The following GABRG2 variants were observed in gnomAD, a reference collection of about 807,000 sequenced individuals.
The protein encoded by GABRG2 is gamma-aminobutyric acid type A receptor subunit gamma2.
GABRG2 carries 16 observed loss-of-function variants against 56.4 expected under a neutral mutation model. The ratio of observed to expected loss-of-function variants is 0.28; its 90% CI spans 0.19 to 0.43. The LOEUF (loss-of-function observed/expected upper bound fraction) is 0.43, where lower values mean the gene tolerates loss of function less well. GABRG2 is among the 20% of genes least tolerant of loss of function. GABRG2 has a pLI of 1.00. For synonymous variants in GABRG2, 208 were observed against 205.5 expected, an observed-to-expected ratio of 1.01 and a Z score of -0.10; for missense variants, 327 against 582.7, an observed-to-expected ratio of 0.56 and a Z score of 4.52.
At chr5:162,118,957 C>A (rs1441817526) in intron 6 of GABRG2, among the ~76,000 whole-genome samples, 2 of 152,074 alleles carry the variant, frequency 1.3e-5, no homozygotes, top group Non-Finnish European at 2.9e-5. Flanking sequence ...AGGATTAATG[C>A]ACTTTAACGT....
Position 162,073,894 on chromosome 5 carries a change from C to A in GABRG2, c.107+5788C>A, listed in dbSNP as rs553381462. ...ATATTGAGAGATTAAGGGACTTCTT[C>A]AAGGATCCTTTACTATTGGCTGTAG... On this transcript the variant is annotated intron_variant, in intron 1 of 9. Coordinates refer to ENST00000639213, the MANE Select transcript of GABRG2 (RefSeq NM_198904.4). 3.3e-5 allele frequency among the ~76,000 whole-genome samples: 5 copies of A among 152,074 alleles called. No homozygotes were observed. In the East Asian group the frequency reaches 9.7e-4, roughly 29 times the overall value.
At chr5:162,076,500 A>G (rs540183459) in intron 1 of GABRG2, among the ~76,000 whole-genome samples, 53 of 152,300 alleles carry the variant, frequency 3.5e-4, no homozygotes, top group African/African-American at 1.2e-3. Context: ...ACTTAGTAAT[A>G]TCTCTAACAA....
intron 7 of GABRG2, among the ~76,000 whole-genome samples, chr5:162,146,431 A>G (rs545360488): frequency 2.0e-5 from 3 of 152,298 alleles, no homozygotes; most frequent in Admixed American, 6.5e-5. Context: ...GTGAGATAAT[A>G]GAAAGTGCTT....
chr5:162,138,250 A>T (rs1305478830), intron 6 of GABRG2, among the ~76,000 whole-genome samples: 1 of 152,090 alleles, frequency 6.6e-6, no homozygotes, highest in Non-Finnish European at 1.5e-5. Flanking sequence ...TCCATCTTAA[A>T]TTTATTTTGT....
chr5:162,083,798 G>A (rs1759844731), intron 1 of GABRG2, among the ~76,000 whole-genome samples: 1 of 151,788 alleles, frequency 6.6e-6, no homozygotes, highest in African/African-American at 2.4e-5. Flanking sequence ...GCTGTTTAAT[G>A]AAGGATCAAG....
intron 6 of GABRG2, among the ~76,000 whole-genome samples, chr5:162,116,403 C>A (rs1303853923): frequency 1.3e-5 from 2 of 151,162 alleles, no homozygotes; most frequent in Non-Finnish European, 2.9e-5. Context: ...AATTGTTCTA[C>A]CTCCAGTGTT....
chr5:162,142,434 C>T (rs1764642030), intron 7 of GABRG2, 118 bp downstream of exon 7: 1 of 1,055,228 alleles, frequency 9.5e-7, no homozygotes, highest in East Asian at 2.4e-5. Context: ...ATAGAAATAC[C>T]ATTTGTTTCA....
chr5:162,138,775 T>C (rs572978876), intron 6 of GABRG2, among the ~76,000 whole-genome samples: 1 of 152,286 alleles, frequency 6.6e-6, no homozygotes, highest in Non-Finnish European at 1.5e-5. Context: ...TTTAGGATAT[T>C]TACAGATAAT....
intron 6 of GABRG2, among the ~76,000 whole-genome samples, chr5:162,119,123 A>T (rs1021769851): frequency 2.6e-5 from 4 of 152,160 alleles, no homozygotes; most frequent in African/African-American, 9.6e-5. Context: ...ATTTGAAATT[A>T]GACTCCACAC....
At chr5:162,142,116 C>T in intron 6 of GABRG2, 48 bp from the exon 7 acceptor site, 1 of 1,589,310 alleles carries the variant, frequency 6.3e-7, no homozygotes, top group Non-Finnish European at 8.6e-7. Flanking sequence ...TTAATGTTTT[C>T]CAGTGATTGA....
At chr5:162,101,787 A>G (rs1295284362) in intron 5 of GABRG2, 2 of 161,244 alleles carry the variant, frequency 1.2e-5, no homozygotes, top group East Asian at 3.6e-4. Context: ...AAGATCAAAT[A>G]TAAAACCATT....
At chr5:162,069,206 G>T (rs929968573) in intron 1 of GABRG2, among the ~76,000 whole-genome samples, 1 of 152,032 alleles carries the variant, frequency 6.6e-6, no homozygotes, top group Non-Finnish European at 1.5e-5. Flanking sequence ...CACCTTCCCC[G>T]CTCTCCAAGC....
intron 1 of GABRG2, among the ~76,000 whole-genome samples, chr5:162,079,540 T>C (rs530359617): frequency 6.6e-5 from 10 of 152,196 alleles, no homozygotes; most frequent in Non-Finnish European, 1.5e-4. Context: ...TGCCAGCTGC[T>C]GAAGATATAG....
intron 6 of GABRG2, among the ~76,000 whole-genome samples, chr5:162,107,373 C>T (rs1465252316): frequency 2.0e-5 from 3 of 151,944 alleles, no homozygotes; most frequent in Non-Finnish European, 4.4e-5. Context: ...TTTGTGTTCC[C>T]TAGACTTTGA....
intron 1 of GABRG2, among the ~76,000 whole-genome samples, chr5:162,080,671 T>C (rs1001474702): frequency 1.3e-5 from 2 of 152,260 alleles, no homozygotes; most frequent in African/African-American, 4.8e-5. Flanking sequence ...GGGAAAAGTG[T>C]ACCTATATGA....
chr5:162,122,001 A>G (rs1374336358), intron 6 of GABRG2, among the ~76,000 whole-genome samples: 2 of 152,048 alleles, frequency 1.3e-5, no homozygotes, highest in African/African-American at 2.4e-5. Flanking sequence ...TAACTTTCCA[A>G]TATCTTAGTG....
chr5:162,085,354 A>G (rs1759989194), intron 1 of GABRG2, among the ~76,000 whole-genome samples: 1 of 151,950 alleles, frequency 6.6e-6, no homozygotes, highest in Non-Finnish European at 1.5e-5. Context: ...AAATAATTCT[A>G]CTGAAGTGCT....
chr5:162,071,791 A>G (rs3797860), intron 1 of GABRG2, among the ~76,000 whole-genome samples: 13,207 of 151,968 alleles, frequency 0.087, 900 homozygotes, highest in East Asian at 0.22. Flanking sequence ...TCCTCAGCGT[A>G]CTAAATTGCT....
intron 3 of GABRG2, 24 bp from the exon 4 acceptor site, chr5:162,097,614 C>A: frequency 6.6e-7 from 1 of 1,518,718 alleles, no homozygotes; most frequent in Non-Finnish European, 9.1e-7. Flanking sequence ...TACAAATTTT[C>A]TGTTTATCAT....
Sources: gnomAD v4.1 joint callset for allele counts (sites outside exome capture counted in the v4.1 genomes callset) on GRCh38, gnomAD v4.1.1 for gene constraint, MANE v1.5 for transcripts, NCBI Gene and HGNC (gene_info 2026-07-23, HGNC 2026-07-21) for gene names.